IL1R1: variants seen among roughly 807,000 people sequenced by gnomAD.
The protein encoded by IL1R1 is interleukin-1 receptor type 1.
IL1R1 carries 22 observed loss-of-function variants against 50.2 expected under a neutral mutation model. The observed-to-expected ratio is 0.44, with a 90% CI of 0.31 to 0.63. IL1R1 has a LOEUF of 0.63. Ranked by LOEUF, IL1R1 falls within the 20% of genes least tolerant of loss-of-function variation. The pLI is 0.07. For synonymous variants in IL1R1, 251 were observed against 236.7 expected, an observed-to-expected ratio of 1.06 and a Z score of -0.55; for missense variants, 509 against 676.2, an observed-to-expected ratio of 0.75 and a Z score of 2.74.
At chr2:102,150,253 C>T in intron 1 of IL1R1, among the ~76,000 whole-genome samples, 1 of 152,192 alleles carries the variant, frequency 6.6e-6, no homozygotes, top group Middle Eastern at 3.2e-3. Flanking sequence ...GTTCCTGTGA[C>T]AGCCCCTCTC....
At position 102,125,947 on chromosome 2, in the gene IL1R1, T is replaced by C. The variant is rs544648312; in HGVS notation, c.-84+21075T>C. The stretch of plus-strand genomic sequence containing the variant: ...TGGAATACAGTCAAGAGTGAATGAG[T>C]AGACAATCAGGAAAAATCAAAGAAG... On this transcript the variant is annotated intron_variant, in intron 1 of 10. Coordinates refer to the IL1R1 transcript ENST00000409329. 1.8e-3 allele frequency among the ~76,000 whole-genome samples: 275 copies of C among 152,128 alleles called. 2 individuals carry two copies. Among genetic ancestry groups the C allele is most frequent in the African/African-American group, 5.9e-3 (245 of 41,514 alleles).
At chr2:102,087,783 T>C (rs1287698778) in intron 1 of IL1R1, among the ~76,000 whole-genome samples, 1 of 149,316 alleles carries the variant, frequency 6.7e-6, no homozygotes, top group African/African-American at 2.4e-5. Context: ...ATTAAACCTC[T>C]TTCCTTCGTA....
At chr2:102,089,587 T>G (rs1679570119) in intron 1 of IL1R1, among the ~76,000 whole-genome samples, 1 of 152,152 alleles carries the variant, frequency 6.6e-6, no homozygotes, top group Non-Finnish European at 1.5e-5. Context: ...GCCACAAACC[T>G]TCAATTTGTA....
intron 1 of IL1R1, among the ~76,000 whole-genome samples, chr2:102,094,049 T>A (rs766246901): frequency 6.6e-6 from 1 of 152,116 alleles, no homozygotes; most frequent in Non-Finnish European, 1.5e-5. Context: ...ACCACACATA[T>A]AAAACTTTAA....
intron 1 of IL1R1, among the ~76,000 whole-genome samples, chr2:102,145,794 C>T (rs1683067121): frequency 6.6e-6 from 1 of 152,222 alleles, no homozygotes; most frequent in Non-Finnish European, 1.5e-5. Context: ...AATGCCAGGA[C>T]TGGATGCAGA....
intron 1 of IL1R1, among the ~76,000 whole-genome samples, chr2:102,112,648 G>A (rs1276682491): frequency 6.6e-6 from 1 of 152,194 alleles, no homozygotes; most frequent in Non-Finnish European, 1.5e-5. Flanking sequence ...AGCAAAAGGT[G>A]TGTTTACCAT....
rs1188372335 is a variant in IL1R1 at position 102,178,172 on chromosome 2, C to T, written c.*1413C>T. 1.3e-5 allele frequency: 2 copies of T among 152,486 alleles called. No individual in the cohort carries two copies. Among genetic ancestry groups the T allele is most frequent in the African/African-American group, 4.8e-5 (2 of 41,438 alleles). The allele number at this position is 152,486 out of a possible 1,614,324, so 9.4% of individuals were successfully genotyped here. ...TTTTACCAAAATTCAGAACATCCTCCAATTCCACAGTCTCTGGGAGACTTT... is the reference window on the plus strand; with the variant it reads ...TTTTACCAAAATTCAGAACATCCTCTAATTCCACAGTCTCTGGGAGACTTT... On this transcript the variant is annotated 3_prime_UTR_variant, in exon 12 of 12. Coordinates refer to ENST00000410023, the MANE Select transcript of IL1R1 (RefSeq NM_000877.4).
intron 1 of IL1R1, among the ~76,000 whole-genome samples, chr2:102,128,060 T>C (rs1429306843): frequency 1.3e-5 from 2 of 152,234 alleles, no homozygotes; most frequent in Non-Finnish European, 2.9e-5. Flanking sequence ...AGAGATCAAG[T>C]TATCTATGCA....
intron 1 of IL1R1, among the ~76,000 whole-genome samples, chr2:102,091,119 C>G (rs770028118): frequency 2.0e-5 from 3 of 152,166 alleles, no homozygotes; most frequent in African/African-American, 7.2e-5. Context: ...GTGGGAGAAC[C>G]AGATATACCC....
rs140388832 is a variant in IL1R1, at chr2:102,159,663, C to G, written c.61+1878C>G. On this transcript the variant is annotated intron_variant, in intron 3 of 11. Transcript: ENST00000410023. ...TGGGGATAGTGCTTTTGCTGTGGAGCTCTTGGTGAGGTCAATAACACCACC... is the reference window on the plus strand; with the variant it reads ...TGGGGATAGTGCTTTTGCTGTGGAGGTCTTGGTGAGGTCAATAACACCACC... 5.3e-3 allele frequency among the ~76,000 whole-genome samples: 809 copies of G among 152,218 alleles called. 4 individuals are homozygous for G. The highest frequency in any genetic ancestry group is 0.019 in the African/African-American group (784 of 41,516).
At chr2:102,078,069 G>C (rs1159318751) in intron 1 of IL1R1, among the ~76,000 whole-genome samples, 5 of 151,972 alleles carry the variant, frequency 3.3e-5, no homozygotes, top group African/African-American at 9.7e-5. Context: ...TGCAGCTAAA[G>C]CTATACATAG....
At chr2:102,166,895 G>A (rs2160227) in intron 6 of IL1R1, among the ~76,000 whole-genome samples, 1 of 151,852 alleles carries the variant, frequency 6.6e-6, no homozygotes, top group Non-Finnish European at 1.5e-5. Context: ...TAGGATGATT[G>A]TTCTTGTTAA....
At position 102,178,115 on chromosome 2, in the gene IL1R1, G is replaced by C. The variant is rs1399949889; in HGVS notation, c.*1356G>C. 2 of 152,600 alleles carry C rather than the reference G, an allele frequency of 1.3e-5. No individual in the cohort carries two copies. Among genetic ancestry groups the C allele is most frequent in the African/African-American group, 4.8e-5 (2 of 41,426 alleles). 9.5% of individuals were successfully genotyped at this position (152,600 alleles called of 1,614,324 possible). A position where few individuals can be genotyped will look rare whatever the true frequency, so the allele number is the denominator to read the frequency against. On this transcript the variant is annotated 3_prime_UTR_variant, in exon 12 of 12. Transcript: ENST00000410023. ...ACCCTTCCTCCTCCTTTGCCTAGGA[G>C]GCCTTCTCGCATTTTCTCTAGCTGA...
At chr2:102,100,431 T>C (rs1680091295), upstream of IL1R1, among the ~76,000 whole-genome samples, 2 of 152,226 alleles carry the variant, frequency 1.3e-5, no homozygotes, top group Admixed American at 1.3e-4. Flanking sequence ...TCTAATTGAC[T>C]CATTTACCAT....
intron 1 of IL1R1, among the ~76,000 whole-genome samples, chr2:102,145,716 G>A (rs1683059826): frequency 6.6e-6 from 1 of 152,226 alleles, no homozygotes; most frequent in South Asian, 2.1e-4. Context: ...AAGTGGGGCC[G>A]TGAATGTGGA....
chr2:102,172,786 T>C lies in IL1R1; in HGVS notation c.939T>C (p.Phe313=). Residue 313 remains phenylalanine, a synonymous_variant, in exon 9 of 12, where the codon TTT becomes TTC. Transcript: ENST00000410023. ...TTTATAAACATCCATTTACCTGTTT[T>C]GCCAAGAATACACATGGTATAGATG... The part of the protein sequence containing the change: ...SRFYKHPFTC[F]AKNTHGIDAA... 5.6e-6 allele frequency: 9 copies of C among 1,612,348 alleles called. No individual in the cohort carries two copies. Among genetic ancestry groups the C allele is most frequent in the Non-Finnish European group, 7.6e-6 (9 of 1,178,440 alleles).
rs767131338 is a variant in IL1R1 at position 102,116,075 on chromosome 2, T to C, written c.-84+11203T>C. Reference sequence around the variant, plus strand: ...TGTTTCTGTCTCACTGTGTGGCCCATGTAGGTTGCATAGTTGCAGTATCTT... The same window carrying C: ...TGTTTCTGTCTCACTGTGTGGCCCACGTAGGTTGCATAGTTGCAGTATCTT... On this transcript the variant is annotated intron_variant, in intron 1 of 10. Transcript: ENST00000409329. Among the ~76,000 whole-genome samples, 10 of 152,214 alleles carry C rather than the reference T, an allele frequency of 6.6e-5. No homozygotes were observed. The South Asian group carries it at 1.9e-3, about 28-fold the overall frequency.
upstream of IL1R1, among the ~76,000 whole-genome samples, chr2:102,140,108 T>C (rs1391005089): frequency 6.6e-6 from 1 of 152,226 alleles, no homozygotes; most frequent in Non-Finnish European, 1.5e-5. Flanking sequence ...CATTCTTCTG[T>C]ACTCCGTGGT....
At chr2:102,153,084 C>G (rs966606869) in intron 1 of IL1R1, among the ~76,000 whole-genome samples, 19 of 152,278 alleles carry the variant, frequency 1.2e-4, no homozygotes, top group African/African-American at 4.1e-4. Context: ...AAGGCTACCA[C>G]AACCCAGCTT....
Sources: allele counts gnomAD v4.1 joint callset (sites outside exome capture counted in the v4.1 genomes callset), GRCh38; gene constraint gnomAD v4.1.1; transcripts MANE v1.5; gene names NCBI Gene and HGNC (gene_info 2026-07-23, HGNC 2026-07-21).